The following EYS variants were observed in gnomAD, a reference collection of about 807,000 sequenced individuals.
The protein encoded by EYS is EGF-like photoreceptor maintenance factor.
Under a neutral mutation model 282.1 loss-of-function variants are expected in EYS, and 250 were observed. That is an observed-to-expected ratio of 0.89 (90% confidence interval 0.80 to 0.98). The LOEUF (loss-of-function observed/expected upper bound fraction) is 0.98. EYS is among the 50% of genes least tolerant of loss of function. The pLI, the probability that EYS is intolerant of heterozygous loss-of-function variation, is 0.00. For synonymous variants in EYS, 1,355 were observed against 1,282.9 expected, an observed-to-expected ratio of 1.06 and a Z score of -1.20; for missense variants, 4,016 against 3,709.0, an observed-to-expected ratio of 1.08 and a Z score of -2.15.
At chr6:65,321,803 T>C (rs1015750775) in intron 11 of EYS, among the ~76,000 whole-genome samples, 7 of 152,112 alleles carry the variant, frequency 4.6e-5, no homozygotes, top group African/African-American at 1.7e-4. Context: ...TGCCTCAAAA[T>C]CAGTGAGAGA....
chr6:63,842,243 C>T (rs1771980137), intron 36 of EYS, among the ~76,000 whole-genome samples: 1 of 152,146 alleles, frequency 6.6e-6, no homozygotes, highest in Non-Finnish European at 1.5e-5. Flanking sequence ...AAAAGCATTC[C>T]TATTTTTCCA....
intron 31 of EYS, among the ~76,000 whole-genome samples, chr6:64,181,731 C>T (rs6901831): frequency 0.36 from 54,784 of 151,820 alleles, 9,981 homozygotes; most frequent in East Asian, 0.53. Context: ...ATGCCATAGA[C>T]AGGATTAAAA....
intron 30 of EYS, among the ~76,000 whole-genome samples, chr6:64,251,543 ATTATTC>A (rs1001852667): frequency 6.6e-6 from 1 of 152,154 alleles, no homozygotes; most frequent in Non-Finnish European, 1.5e-5. Flanking sequence ...TTATAAACTA[ATTATTC>A]TTAGTTGTTA....
chr6:65,472,316 ATG>A (rs1353706507), intron 5 of EYS, among the ~76,000 whole-genome samples: 2 of 152,100 alleles, frequency 1.3e-5, no homozygotes, highest in Admixed American at 1.3e-4. Context: ...TGGCAGATCC[ATG>A]TTTTCTCTTG....
intron 2 of EYS, among the ~76,000 whole-genome samples, chr6:65,537,304 AC>A (rs1478496605): frequency 6.6e-6 from 1 of 152,042 alleles, no homozygotes; most frequent in Non-Finnish European, 1.5e-5. Context: ...TATGTAACAA[AC>A]CTCCAAGTTC....
At chr6:64,689,756 G>C (rs904537056) in intron 22 of EYS, among the ~76,000 whole-genome samples, 1 of 152,116 alleles carries the variant, frequency 6.6e-6, no homozygotes, top group Admixed American at 6.5e-5. Flanking sequence ...AATGGTGCTG[G>C]GAAAACTGGC....
chr6:64,024,825 G>A (rs758597906), intron 33 of EYS, among the ~76,000 whole-genome samples: 5 of 151,998 alleles, frequency 3.3e-5, no homozygotes, highest in East Asian at 3.9e-4. Context: ...AAACACATCC[G>A]AACATCAGAA....
chr6:65,135,358 T>A (rs985947373), intron 12 of EYS, among the ~76,000 whole-genome samples: 1 of 152,002 alleles, frequency 6.6e-6, no homozygotes, highest in Non-Finnish European at 1.5e-5. Flanking sequence ...TGAAAAAAAA[T>A]TAATGTCACT....
chr6:64,353,839 T>C (rs1771729624), intron 29 of EYS, among the ~76,000 whole-genome samples: 2 of 151,556 alleles, frequency 1.3e-5, no homozygotes, highest in Admixed American at 1.3e-4. Context: ...CCCTGCCAAG[T>C]GGGTTCATTG....
At chr6:63,857,667 A>G (rs897859354) in intron 36 of EYS, 19 of 449,394 alleles carry the variant, frequency 4.2e-5, no homozygotes, top group African/African-American at 3.0e-4. Flanking sequence ...ATGCTACTCA[A>G]GCACTACTTG....
intron 13 of EYS, among the ~76,000 whole-genome samples, chr6:65,012,490 T>A (rs1336696914): frequency 6.6e-6 from 1 of 152,170 alleles, no homozygotes; most frequent in Non-Finnish European, 1.5e-5. Context: ...CATCATTAAG[T>A]CCTTGAACTG....
chr6:64,364,172 G>GTAATTCCA (rs1252943818), intron 29 of EYS, among the ~76,000 whole-genome samples: 17 of 151,728 alleles, frequency 1.1e-4, no homozygotes, highest in Non-Finnish European at 2.1e-4. Context: ...TAGGGACCAC[G>GTAATTCCA]TAATTCCATA....
At chr6:64,383,067 C>T (rs977921051) in intron 29 of EYS, among the ~76,000 whole-genome samples, 9 of 152,082 alleles carry the variant, frequency 5.9e-5, no homozygotes, top group African/African-American at 1.9e-4. Context: ...GTGGATGGAT[C>T]ACTTGAGCTC....
At chr6:64,467,683 G>C (rs1174292479) in intron 26 of EYS, among the ~76,000 whole-genome samples, 1 of 152,020 alleles carries the variant, frequency 6.6e-6, no homozygotes, top group Admixed American at 6.5e-5. Flanking sequence ...CACCACTACT[G>C]CTTGTGTACA....
intron 14 of EYS, among the ~76,000 whole-genome samples, chr6:64,996,254 G>C (rs1771258765): frequency 6.6e-6 from 1 of 151,888 alleles, no homozygotes; most frequent in African/African-American, 2.4e-5. Flanking sequence ...CTGTTTTCAG[G>C]ACACTCACTA....
intron 30 of EYS, among the ~76,000 whole-genome samples, chr6:64,291,821 C>G (rs772185136): frequency 3.3e-5 from 5 of 151,884 alleles, no homozygotes; most frequent in Non-Finnish European, 7.4e-5. Flanking sequence ...GGATTTCTTA[C>G]GAAAAGTGTT....
Position 63,725,231 on chromosome 6 carries a change from C to G in EYS, c.8233+1288G>C, listed in dbSNP as rs550313140. 5.9e-5 allele frequency among the ~76,000 whole-genome samples: 9 copies of G among 152,218 alleles called. No individual in the cohort carries two copies. In the South Asian group the frequency reaches 1.2e-3, roughly 21 times the overall value. ...CATAAAAAAGGAAACTCTTGATTGTCTTGAACTACATGCATTGAATAACAG... is the reference window on the plus strand; with the variant it reads ...CATAAAAAAGGAAACTCTTGATTGTGTTGAACTACATGCATTGAATAACAG... On this transcript the variant is annotated intron_variant, in intron 42 of 42. Transcript: ENST00000503581.
intron 15 of EYS, among the ~76,000 whole-genome samples, chr6:64,944,897 G>A (rs1323630967): frequency 6.6e-6 from 1 of 152,030 alleles, no homozygotes; most frequent in Non-Finnish European, 1.5e-5. Flanking sequence ...TGGCTTATGT[G>A]CATGTCCAGT....
chr6:63,816,189 AT>A (rs1771173769), intron 36 of EYS, among the ~76,000 whole-genome samples: 1 of 152,206 alleles, frequency 6.6e-6, no homozygotes, highest in South Asian at 2.1e-4. Context: ...GGTATAACAT[AT>A]ATTGAGTACT....
Sources: allele counts gnomAD v4.1 joint callset (sites outside exome capture counted in the v4.1 genomes callset), GRCh38; gene constraint gnomAD v4.1.1; transcripts MANE v1.5; gene names NCBI Gene and HGNC (gene_info 2026-07-23, HGNC 2026-07-21).